The following MAZ variants were observed in gnomAD, a reference collection of about 807,000 sequenced individuals.
MAZ encodes MYC associated zinc finger protein.
Under a neutral mutation model 32.7 loss-of-function variants are expected in MAZ, and 4 were observed. That is an observed-to-expected ratio of 0.12 (90% CI 0.06 to 0.28). The LOEUF (loss-of-function observed/expected upper bound fraction) is 0.28. Among genes scored for constraint, MAZ ranks in the 10% least tolerant of loss-of-function variants. MAZ has a pLI of 1.00. For synonymous variants in MAZ, 510 were observed against 297.6 expected (o/e 1.71, Z -7.35); for missense variants, 763 against 667.2 (o/e 1.14, Z -1.58).
chr16:29,807,613 G>C lies in MAZ; in HGVS notation c.828G>C (p.Arg276=), dbSNP rs1899597951. 6.2e-7 allele frequency: 1 copy of C among 1,612,600 alleles called. No homozygotes were observed. Among genetic ancestry groups the C allele is most frequent in the Non-Finnish European group, 8.5e-7 (1 of 1,179,856 alleles). ...VTTTASGKRI[R]KNHACEMCGK... is the part of the protein sequence containing the mutation. ...CGACCGCCTCGGGGAAGCGCATCCGGAAGAACCATGCCTGCGAGATGTGTG... is the reference window on the plus strand; with the variant it reads ...CGACCGCCTCGGGGAAGCGCATCCGCAAGAACCATGCCTGCGAGATGTGTG... The change falls in exon 2 of 5, where the codon CGG becomes CGC. Residue 276 remains arginine (R), a synonymous_variant. Transcript: ENST00000322945.
rs996693832 is a variant in MAZ, at chr16:29,807,100, TGCTGCCGCCGTC to T, written c.324_335del (p.Val109_Ala112del). 1.4e-5 allele frequency: 14 copies of T among 988,230 alleles called. No homozygotes were observed. The highest frequency in any genetic ancestry group is 1.8e-4 in the East Asian group (2 of 11,332). The allele number at this position is 988,230 out of a possible 1,614,324, so 61.2% of individuals were successfully genotyped here. On this transcript the variant is annotated inframe_deletion, in exon 2 of 5. Coordinates refer to ENST00000322945, the MANE Select transcript of MAZ (RefSeq NM_002383.4). ...CGGCTGCTGCGGCCGCTGCCGCCGC[TGCTGCCGCCGTC>T]GCTGCCGCGCCCCCGGCCCCTGCCG...
At chr16:29,809,005 G>A (rs904863794) in intron 4 of MAZ, 4 of 558,106 alleles carry the variant, frequency 7.2e-6, no homozygotes, top group Non-Finnish European at 1.3e-5. Flanking sequence ...GGCTGCTCTG[G>A]GGAAGGAGTA....
chr16:29,810,316 T>A lies in MAZ; in HGVS notation c.*85T>A. On this transcript the variant is annotated 3_prime_UTR_variant, in exon 5 of 5. Transcript: ENST00000322945. Reference sequence around the variant, plus strand: ...CTCTCCCCCCTCTTTTCCCACCAACTCCTATTTCCCTACCAACCAAGGAGC... The same window carrying A: ...CTCTCCCCCCTCTTTTCCCACCAACACCTATTTCCCTACCAACCAAGGAGC... The A allele has an allele frequency of 7.4e-7, 1 of 1,353,084 alleles. No homozygotes were observed. The highest frequency in any genetic ancestry group is 1.0e-6 in the Non-Finnish European group (1 of 971,884). 83.8% of individuals were successfully genotyped at this position (1,353,084 alleles called of 1,614,324 possible).
Position 29,806,793 on chromosome 16 carries a change from TC to T in MAZ, c.95del (p.Pro32ArgfsTer96). On this transcript the variant is annotated frameshift_variant, in exon 1 of 5. Coordinates refer to ENST00000322945, the MANE Select transcript of MAZ (RefSeq NM_002383.4). LOFTEE classifies it high-confidence loss of function. ...GGGGTGGGCGGCCTCATGAACTCCT[TC>T]CCGCCACCTCAGGGTCACGCCCAGA... ...SRGVGGLMNS[F>X]PPPQGHAQNP... The T allele has an allele frequency of 7.0e-7, 1 of 1,428,236 alleles. No homozygotes were observed. Among genetic ancestry groups the T allele is most frequent in the Non-Finnish European group, 9.2e-7 (1 of 1,083,582 alleles). 88.5% of individuals were successfully genotyped at this position (1,428,236 alleles called of 1,614,324 possible).
chr16:29,808,161 CTGTGG>C (rs1404941373), intron 2 of MAZ, 64 bp from the exon 3 acceptor site: 12 of 1,366,466 alleles, frequency 8.8e-6, no homozygotes, highest in Non-Finnish European at 1.3e-5. Context: ...TCGGAAAGGC[CTGTGG>C]TGCGGTTTGG....
rs764739057 is a variant in MAZ at position 29,810,372 on chromosome 16, C to A, written c.*141C>A. ...GAAGGAAAGGAGGAAGAAATGTTTT[C>A]TTAGGGGAATTCGCTAGGTTTTAAC... On this transcript the variant is annotated 3_prime_UTR_variant, in exon 5 of 5. Transcript: ENST00000322945. The A allele has an allele frequency of 1.1e-6, 1 of 913,096 alleles. No homozygotes were observed. Among genetic ancestry groups the A allele is most frequent in the Admixed American group, 2.0e-5 (1 of 50,238 alleles). 56.6% of individuals were successfully genotyped at this position (913,096 alleles called of 1,614,324 possible). A position where few individuals can be genotyped will look rare whatever the true frequency, so the allele number is the denominator to read the frequency against.
Position 29,810,697 on chromosome 16 carries a change from AAGG to A in MAZ, c.*470_*472del, listed in dbSNP as rs1440224415. On this transcript the variant is annotated 3_prime_UTR_variant, in exon 5 of 5. Transcript: ENST00000322945. ...TTTTTCCAGGGGGAGGGAGGAGAGG[AAGG>A]AGGGGGATCAGAGCTGTCCCAAAGA... 1.3e-5 allele frequency: 6 copies of A among 454,842 alleles called. No homozygotes were observed. Among genetic ancestry groups the A allele is most frequent in the Admixed American group, 3.5e-5 (1 of 28,366 alleles). The allele number at this position is 454,842 out of a possible 1,614,324, so 28.2% of individuals were successfully genotyped here.
At position 29,808,571 on chromosome 16, in the gene MAZ, A is replaced by T; in HGVS notation, c.1109A>T (p.Lys370Ile). 6.4e-7 allele frequency: 1 copy of T among 1,573,916 alleles called. No homozygotes were observed. Among genetic ancestry groups the T allele is most frequent in the Admixed American group, 1.7e-5 (1 of 58,282 alleles). Reference sequence around the variant, plus strand: ...CCCACGCCCCTCCCCCCTCCTCAGAAATGTGAGGCAGCTTTCGCCACGAAG... The same window carrying T: ...CCCACGCCCCTCCCCCCTCCTCAGATATGTGAGGCAGCTTTCGCCACGAAG... Reference protein sequence around the residue: ...HSTERPFKCEKCEAAFATKDR... With the variant: ...HSTERPFKCEICEAAFATKDR... The change falls in exon 4 of 5, where the codon AAA (lysine) becomes ATA (isoleucine). Residue 370 changes from lysine (K) to isoleucine (I), a missense_variant and splice_region_variant. Physicochemically the swap from Lys to Ile is moderately radical, Grantham distance 102. Transcript: ENST00000322945.
chr16:29,810,377 G>T lies in MAZ; in HGVS notation c.*146G>T. On this transcript the variant is annotated 3_prime_UTR_variant, in exon 5 of 5. Transcript: ENST00000322945. ...AAAGGAGGAAGAAATGTTTTCTTAG[G>T]GGAATTCGCTAGGTTTTAACGATTT... The T allele has an allele frequency of 1.1e-6, 1 of 875,340 alleles. No individual in the cohort carries two copies. 54.2% of individuals were successfully genotyped at this position (875,340 alleles called of 1,614,324 possible).
At chr16:29,807,948 C>T (rs1351923489) in intron 2 of MAZ, 120 bp downstream of exon 2, 1 of 1,479,828 alleles carries the variant, frequency 6.8e-7, no homozygotes, top group Admixed American at 2.2e-5. Flanking sequence ...GGGAGCCACT[C>T]CCAGGGCGGA....
Position 29,810,503 on chromosome 16 carries a change from C to G in MAZ, c.*272C>G, listed in dbSNP as rs760467318. The G allele has an allele frequency of 2.8e-6, 2 of 701,822 alleles. No individual in the cohort carries two copies. Among genetic ancestry groups the G allele is most frequent in the African/African-American group, 1.7e-5 (1 of 57,178 alleles). 43.5% of individuals were successfully genotyped at this position (701,822 alleles called of 1,614,324 possible). Reference sequence around the variant, plus strand: ...CAGTGGGCAGGGGTGGCAGAGGACACGAGCAGCCACTGCCCGTACCCCCTC... The same window carrying G: ...CAGTGGGCAGGGGTGGCAGAGGACAGGAGCAGCCACTGCCCGTACCCCCTC... On this transcript the variant is annotated 3_prime_UTR_variant, in exon 5 of 5. Transcript: ENST00000322945.
chr16:29,810,773 G>T lies in MAZ; in HGVS notation c.*542G>T. 5.5e-6 allele frequency: 2 copies of T among 366,844 alleles called. No homozygotes were observed. The highest frequency in any genetic ancestry group is 1.0e-5 in the Non-Finnish European group (2 of 191,950). 22.7% of individuals were successfully genotyped at this position (366,844 alleles called of 1,614,324 possible). A position where few individuals can be genotyped will look rare whatever the true frequency, so the allele number is the denominator to read the frequency against. ...AGGGGCAGAAGCAGGGCCGGCAAAG[G>T]TTGTACCTTCATAAGGTGGTATGGG... On this transcript the variant is annotated 3_prime_UTR_variant, in exon 5 of 5. Transcript: ENST00000322945.
rs769004925 is a variant in MAZ at position 29,810,225 on chromosome 16, C to G, written c.1428C>G (p.Pro476=). Residue 476 remains proline (P), a synonymous_variant, in exon 5 of 5, where the codon CCC becomes CCG. Coordinates refer to ENST00000322945, the MANE Select transcript of MAZ (RefSeq NM_002383.4). ...PVSSQPLPSQ[P]W The stretch of plus-strand genomic sequence containing the variant: ...GCTCTCAGCCACTTCCCTCCCAACC[C>G]TGGTGAGCTCCAAGTTGGTTGCGGG... 1 of 1,590,134 alleles carries G rather than the reference C, an allele frequency of 6.3e-7. No homozygotes were observed. The highest frequency in any genetic ancestry group is 8.6e-7 in the Non-Finnish European group (1 of 1,168,180).
chr16:29,810,639 C>G lies in MAZ; in HGVS notation c.*408C>G. The G allele has an allele frequency of 3.3e-6, 2 of 605,546 alleles. No individual in the cohort carries two copies. The highest frequency in any genetic ancestry group is 1.8e-5 in the South Asian group (1 of 56,380). 37.5% of individuals were successfully genotyped at this position (605,546 alleles called of 1,614,324 possible). ...CCCCCTGCTGTCTGCAGCCCCTCCC[C>G]GGGGAGTTGGTGCTTTCTTTTCCTT... On this transcript the variant is annotated 3_prime_UTR_variant, in exon 5 of 5. Transcript: ENST00000322945.
At position 29,810,868 on chromosome 16, in the gene MAZ, G is replaced by A. The variant is rs1377985782; in HGVS notation, c.*637G>A. Reference sequence around the variant, plus strand: ...CAGGGGAAAAAGTCAAGGGGAGCAGGAGGAAGAGCCAGGAGGGCCAGAGGC... The same window carrying A: ...CAGGGGAAAAAGTCAAGGGGAGCAGAAGGAAGAGCCAGGAGGGCCAGAGGC... On this transcript the variant is annotated 3_prime_UTR_variant, in exon 5 of 5. Transcript: ENST00000322945. 1 of 341,940 alleles carries A rather than the reference G, an allele frequency of 2.9e-6. No homozygotes were observed. The highest frequency in any genetic ancestry group is 5.7e-6 in the Non-Finnish European group (1 of 175,814). The allele number at this position is 341,940 out of a possible 1,614,324, so 21.2% of individuals were successfully genotyped here.
chr16:29,808,069 C>A, intron 2 of MAZ, 161 bp from the exon 3 acceptor site: 3 of 976,244 alleles, frequency 3.1e-6, no homozygotes, highest in Middle Eastern at 2.9e-4. Context: ...GCGGCGGCAG[C>A]GGCTGCTGGG....
chr16:29,808,383 C>T (rs948159259), intron 3 of MAZ, 90 bp downstream of exon 3: 39 of 1,359,320 alleles, frequency 2.9e-5, no homozygotes, highest in South Asian at 5.9e-5. Context: ...CCCTTTTTCT[C>T]TCTCTTCTTT....
intron 4 of MAZ, chr16:29,809,868 A>G: frequency 3.0e-6 from 3 of 1,003,168 alleles, no homozygotes; most frequent in South Asian, 1.6e-5. Context: ...ATGCCCATGT[A>G]CCACTCAGGC....
At position 29,807,333 on chromosome 16, in the gene MAZ, AGAC is replaced by A; in HGVS notation, c.549_551del (p.Thr184del). On this transcript the variant is annotated inframe_deletion, in exon 2 of 5. Transcript: ENST00000322945. ...CCGGTCGCGTCTGCCTTGGAGAAGA[AGAC>A]AAAGAGCAAGGGGCCCTACATCTGC... 1 of 1,610,628 alleles carries A rather than the reference AGAC, an allele frequency of 6.2e-7. No homozygotes were observed. The highest frequency in any genetic ancestry group is 8.5e-7 in the Non-Finnish European group (1 of 1,179,022).
Sources: allele counts gnomAD v4.1 joint callset, GRCh38; gene constraint gnomAD v4.1.1; transcripts MANE v1.5; gene names NCBI Gene and HGNC (gene_info 2026-07-23, HGNC 2026-07-21).